Variants in PDGFRB observed in about 807,000 individuals in gnomAD.
PDGFRB encodes the protein platelet derived growth factor receptor beta.
A neutral mutation model predicts 120.2 loss-of-function variants in PDGFRB; 42 were observed. The ratio of observed to expected loss-of-function variants is 0.35; its 90% CI spans 0.27 to 0.45. The LOEUF is 0.45. PDGFRB is among the 20% of genes least tolerant of loss of function. The pLI, the probability that PDGFRB is intolerant of heterozygous loss-of-function variation, is 1.00. For synonymous variants in PDGFRB, 586 were observed against 606.8 expected (o/e 0.97, Z 0.50); for missense variants, 1,149 against 1,476.3 (o/e 0.78, Z 3.63).
Position 150,132,716 on chromosome 5 carries a change from C to A in PDGFRB, c.1127+34G>T, listed in dbSNP as rs186488390. On this transcript the variant is annotated intron_variant, in intron 7 of 22. Coordinates refer to ENST00000261799, the MANE Select transcript of PDGFRB (RefSeq NM_002609.4). The surrounding 1 kb of genome is among the most constrained non-coding windows in gnomAD (Gnocchi z 5.0). The stretch of plus-strand genomic sequence containing the variant: ...GCCTGGCGGCTGCAAAGAAAAATAA[C>A]TTCAAGAATGGGATGGGAGAGCGAG... 2.4e-4 allele frequency: 383 copies of A among 1,591,278 alleles called. 3 individuals carry two copies. The East Asian group carries it at 7.3e-3, about 31-fold the overall frequency.
intron 2 of PDGFRB, 92 bp from the exon 3 acceptor site, chr5:150,135,970 C>A: frequency 1.2e-6 from 1 of 808,548 alleles, no homozygotes. Flanking sequence ...ATGCACAGCC[C>A]TCAGGTCCTT....
In PDGFRB at chr5:150,122,033, A is replaced by G; in HGVS notation, c.2191T>C (p.Ser731Pro). 1 of 1,613,158 alleles carries G rather than the reference A, an allele frequency of 6.2e-7. No individual in the cohort carries two copies. The highest frequency in any genetic ancestry group is 8.5e-7 in the Non-Finnish European group (1 of 1,179,854). ...PVGLPLPSHVSLTGESDGGYM... is the reference protein window; with the variant it reads ...PVGLPLPSHVPLTGESDGGYM... ...CCACCGTCGCTCTCCCCGGTCAAGGACACATGGCTGGGGGTAAAGGAGCAT... is the reference window on the plus strand; with the variant it reads ...CCACCGTCGCTCTCCCCGGTCAAGGGCACATGGCTGGGGGTAAAGGAGCAT... Residue 731 changes from serine to proline, a missense_variant, in exon 16 of 23, where the codon TCC becomes CCC. Ser to Pro is a moderately conservative substitution (Grantham distance 74). This residue lies in a region of PDGFRB where 879 missense variants were observed against 1,108.6 expected (regional missense o/e 0.79). Coordinates refer to ENST00000261799, the MANE Select transcript of PDGFRB (RefSeq NM_002609.4).
chr5:150,118,952 C>T, intron 20 of PDGFRB, 100 bp from the exon 21 acceptor site: 6 of 718,712 alleles, frequency 8.3e-6, no homozygotes, highest in South Asian at 7.0e-5. Flanking sequence ...ACAAGGTGAG[C>T]CATGGAAAGG....
intron 1 of PDGFRB, among the ~76,000 whole-genome samples, chr5:150,152,628 C>T (rs536626422): frequency 6.6e-6 from 1 of 152,362 alleles, no homozygotes; most frequent in Admixed American, 6.5e-5. Context: ...GCCCAGAGCA[C>T]CCTCCTTTAG....
At chr5:150,143,719 C>A (rs997433611) in intron 1 of PDGFRB, among the ~76,000 whole-genome samples, 4 of 152,104 alleles carry the variant, frequency 2.6e-5, no homozygotes, top group African/African-American at 9.7e-5. Context: ...GAGAAGAGAG[C>A]AGGATCGGAG....
Position 150,121,009 on chromosome 5 carries a change from C to A in PDGFRB, c.2465G>T (p.Cys822Phe). Residue 822 changes from cysteine to phenylalanine, a missense_variant and splice_region_variant, in exon 18 of 23, where the codon TGC (cysteine) becomes TTC (phenylalanine). Physicochemically the swap from Cys to Phe is radical, Grantham distance 205 (BLOSUM62 -2). Coordinates refer to ENST00000261799, the MANE Select transcript of PDGFRB (RefSeq NM_002609.4). This position sits in a 1 kb window ranked among gnomAD's most constrained non-coding sequence, Gnocchi z 4.1. ...NGMEFLASKN[C>F]VHRDLAARNV... is the part of the protein sequence containing the mutation. ...CCTAGCCGCCAGGTCTCTGTGGACGCACTGGGTTTGGGGAGAGGGGAGCTG... is the reference window on the plus strand; with the variant it reads ...CCTAGCCGCCAGGTCTCTGTGGACGAACTGGGTTTGGGGAGAGGGGAGCTG... 1 of 1,614,060 alleles carries A rather than the reference C, an allele frequency of 6.2e-7. No homozygotes were observed. The highest frequency in any genetic ancestry group is 2.2e-5 in the East Asian group (1 of 44,880).
intron 1 of PDGFRB, among the ~76,000 whole-genome samples, chr5:150,151,017 C>T (rs1038455273): frequency 4.6e-5 from 7 of 152,160 alleles, no homozygotes; most frequent in African/African-American, 1.7e-4. Context: ...AAACTGAGCA[C>T]GTTAAGGGGC....
chr5:150,149,479 C>T (rs981818787), intron 1 of PDGFRB, among the ~76,000 whole-genome samples: 4 of 152,158 alleles, frequency 2.6e-5, no homozygotes, highest in African/African-American at 9.7e-5. Context: ...AAAGGGGAGG[C>T]CATCTGTCTG....
chr5:150,130,302 G>C (rs1760427202), intron 9 of PDGFRB, among the ~76,000 whole-genome samples: 1 of 152,166 alleles, frequency 6.6e-6, no homozygotes. Flanking sequence ...GGCGGGTGAG[G>C]TCTCTGGGGC....
intron 1 of PDGFRB, chr5:150,137,293 A>T: frequency 2.1e-6 from 1 of 481,010 alleles, no homozygotes. Context: ...TCTGCTTGTG[A>T]CTCTCACGTG....
At position 150,135,803 on chromosome 5, in the gene PDGFRB, C is replaced by A; in HGVS notation, c.116G>T (p.Gly39Val). Residue 39 changes from glycine to valine, a missense_variant, in exon 3 of 23, where the codon GGG becomes GTG. Around this residue, in one of 3 missense-constraint regions of PDGFRB, gnomAD observed 879 missense variants for 1,108.6 expected, o/e 0.79. Transcript: ENST00000261799. ...GGAGACATTGAGGACAAGCTCTGGC[C>A]CCGGGGGTGTGACGACCAGGCCCTG... ...ISQGLVVTPP[G>V]PELVLNVSST... 6.3e-7 allele frequency: 1 copy of A among 1,593,056 alleles called. No homozygotes were observed. Among genetic ancestry groups the A allele is most frequent in the Non-Finnish European group, 8.6e-7 (1 of 1,169,396 alleles).
At chr5:150,151,862 A>G (rs1163489542) in intron 1 of PDGFRB, among the ~76,000 whole-genome samples, 5 of 83,384 alleles carry the variant, frequency 6.0e-5, no homozygotes, top group Non-Finnish European at 9.8e-5. Flanking sequence ...ACTCCATCTC[A>G]AAAAAAAAAA....
rs749560540 is a variant in PDGFRB, at chr5:150,133,663, G to A, written c.857C>T (p.Ser286Leu). The A allele has an allele frequency of 3.7e-6, 6 of 1,613,780 alleles. No homozygotes were observed. The highest frequency in any genetic ancestry group is 1.3e-5 in the African/African-American group (1 of 74,890). The change falls in exon 6 of 23, where the codon TCG becomes TTG. Residue 286 changes from serine to leucine, a missense_variant. Ser to Leu is a moderately radical substitution (Grantham distance 145). This residue lies in a region of PDGFRB where 879 missense variants were observed against 1,108.6 expected (regional missense o/e 0.79). Coordinates refer to ENST00000261799, the MANE Select transcript of PDGFRB (RefSeq NM_002609.4). Reference sequence around the variant, plus strand: ...CGTCACATTGCAGGTGTAGGTCCCCGAGTCTTCTAACTCGGCACTGGGGAT... The same window carrying A: ...CGTCACATTGCAGGTGTAGGTCCCCAAGTCTTCTAACTCGGCACTGGGGAT... ...LHIPSAELEDSGTYTCNVTES... is the reference protein window; with the variant it reads ...LHIPSAELEDLGTYTCNVTES...
Position 150,132,628 on chromosome 5 carries a change from C to A in PDGFRB, c.1127+122G>T. On this transcript the variant is annotated intron_variant, in intron 7 of 22. Transcript: ENST00000261799. The surrounding 1 kb of genome is among the most constrained non-coding windows in gnomAD (Gnocchi z 5.0). ...GCTCTGGTCGCTGCAGCATCCCCAG[C>A]ACCTGGCACCTAATATGCTCTCAGA... 2.3e-6 allele frequency: 2 copies of A among 872,278 alleles called. No homozygotes were observed. Among genetic ancestry groups the A allele is most frequent in the Non-Finnish European group, 3.5e-6 (2 of 574,846 alleles). The allele number at this position is 872,278 out of a possible 1,614,324, so 54.0% of individuals were successfully genotyped here. A position where few individuals can be genotyped will look rare whatever the true frequency, so the allele number is the denominator to read the frequency against.
chr5:150,152,486 GATTCCC>G (rs1214376304), intron 1 of PDGFRB, among the ~76,000 whole-genome samples: 3 of 152,160 alleles, frequency 2.0e-5, no homozygotes, highest in African/African-American at 4.8e-5. Flanking sequence ...GCACCAAAAA[GATTCCC>G]ATTCCAAGAA....
chr5:150,151,268 T>C (rs1761069262), intron 1 of PDGFRB, among the ~76,000 whole-genome samples: 1 of 152,186 alleles, frequency 6.6e-6, no homozygotes, highest in Non-Finnish European at 1.5e-5. Flanking sequence ...TTTACCATCA[T>C]CTGGGTCAAC....
At chr5:150,148,070 A>G (rs1298410239) in intron 1 of PDGFRB, among the ~76,000 whole-genome samples, 1 of 152,202 alleles carries the variant, frequency 6.6e-6, no homozygotes, top group Admixed American at 6.5e-5. Flanking sequence ...GATTATTGGT[A>G]CAATCAGTAG....
intron 22 of PDGFRB, 80 bp downstream of exon 22, chr5:150,117,538 G>GCACA: frequency 1.7e-6 from 1 of 586,062 alleles, no homozygotes; most frequent in Non-Finnish European, 3.0e-6. Flanking sequence ...GCGCGCGCGC[G>GCACA]CGCGCGCACA....
rs200684708 is a variant in PDGFRB, at chr5:150,132,769, G to T, written c.1108C>A (p.Arg370Ser). 3.1e-6 allele frequency: 5 copies of T among 1,613,196 alleles called. No homozygotes were observed. The South Asian group carries it at 4.4e-5, about 14-fold the overall frequency. The change falls in exon 7 of 23, where the codon CGC becomes AGC. Residue 370 changes from arginine to serine, a missense_variant. Transcript: ENST00000261799. The surrounding 1 kb of genome is among the most constrained non-coding windows in gnomAD (Gnocchi z 5.0). ...GCTCACCGGGTCTCCGACACGTTGCGCGTGGACAGGGCGATTTCGCCAGCG... is the reference window on the plus strand; with the variant it reads ...GCTCACCGGGTCTCCGACACGTTGCTCGTGGACAGGGCGATTTCGCCAGCG... ...SSAGEIALST[R>S]NVSETRYVSE...
Sources: allele counts gnomAD v4.1 joint callset (sites outside exome capture counted in the v4.1 genomes callset), GRCh38; gene constraint gnomAD v4.1.1; regional missense constraint gnomAD v4.1.1; non-coding constraint Gnocchi (gnomAD v3.1); transcripts MANE v1.5; gene names NCBI Gene and HGNC (gene_info 2026-07-23, HGNC 2026-07-21).